ENTREP2: variants seen among roughly 807,000 people sequenced by gnomAD.
ENTREP2 encodes endosomal transmembrane epsin interactor 2, also known as protein ENTREP2.
the ENTREP2 span, among the ~76,000 whole-genome samples, chr15:29,621,975 T>C: frequency 1.3e-5 from 2 of 152,080 alleles, no homozygotes; most frequent in African/African-American, 4.8e-5. Context: ...AAAGAACAAA[T>C]ACCGCGTTAT....
chr15:29,118,231 A>G, the ENTREP2 span: 1 of 152,610 alleles, frequency 6.6e-6, no homozygotes, highest in Non-Finnish European at 1.5e-5. Context: ...GGATGACTGT[A>G]TTCGAGGAGT....
the ENTREP2 span, among the ~76,000 whole-genome samples, chr15:29,565,948 A>G: frequency 6.6e-6 from 1 of 150,792 alleles, no homozygotes; most frequent in Non-Finnish European, 1.5e-5. Flanking sequence ...GCGATAGAGC[A>G]AGGCTCTGTC....
At chr15:29,371,364 A>ACACACACACACACACACACC in the ENTREP2 span, among the ~76,000 whole-genome samples, 1 of 151,530 alleles carries the variant, frequency 6.6e-6, no homozygotes, top group African/African-American at 2.4e-5. Context: ...ACACACACAC[A>ACACACACACACACACACACC]CACACACACA....
chr15:29,651,324 G>A, the ENTREP2 span, among the ~76,000 whole-genome samples: 1 of 152,168 alleles, frequency 6.6e-6, no homozygotes, highest in Admixed American at 6.5e-5. Flanking sequence ...CTTCAACCTA[G>A]ATATTAGGTA....
chr15:29,244,875 G>A, the ENTREP2 span, among the ~76,000 whole-genome samples: 1 of 152,204 alleles, frequency 6.6e-6, no homozygotes, highest in African/African-American at 2.4e-5. Flanking sequence ...AGCATGCTTG[G>A]TGGTGGGTCA....
the ENTREP2 span, among the ~76,000 whole-genome samples, chr15:29,578,972 C>T: frequency 1.1e-3 from 166 of 152,220 alleles, 1 homozygote; most frequent in African/African-American, 3.6e-3. Context: ...TTATTAGAAA[C>T]CTATGCATTC....
chr15:29,493,740 C>G, the ENTREP2 span, among the ~76,000 whole-genome samples: 3 of 152,050 alleles, frequency 2.0e-5, no homozygotes, highest in African/African-American at 7.2e-5. Context: ...CTTTCGGAGG[C>G]TGAGGTGGGC....
chr15:29,586,963 T>G, the ENTREP2 span, among the ~76,000 whole-genome samples: 2 of 152,224 alleles, frequency 1.3e-5, no homozygotes, highest in Non-Finnish European at 2.9e-5. Flanking sequence ...ATTAAGCAAA[T>G]GAGGTATTAT....
the ENTREP2 span, among the ~76,000 whole-genome samples, chr15:29,529,376 T>G: frequency 2.6e-5 from 4 of 151,800 alleles, no homozygotes; most frequent in African/African-American, 9.7e-5. Flanking sequence ...GTGCCATTGG[T>G]GAGGCAGGTT....
chr15:29,258,526 T>C, the ENTREP2 span, among the ~76,000 whole-genome samples: 2 of 152,028 alleles, frequency 1.3e-5, no homozygotes, highest in East Asian at 1.9e-4. Flanking sequence ...AAAATATCCA[T>C]AATAAAAACG....
the ENTREP2 span, among the ~76,000 whole-genome samples, chr15:29,382,050 C>T: frequency 1.3e-5 from 2 of 152,154 alleles, no homozygotes; most frequent in South Asian, 4.1e-4. Flanking sequence ...TCACTTTGTG[C>T]ACTGCACTAG....
chr15:29,457,864 T>G, the ENTREP2 span, among the ~76,000 whole-genome samples: 2 of 152,032 alleles, frequency 1.3e-5, no homozygotes, highest in Non-Finnish European at 2.9e-5. Flanking sequence ...TGCAGGCCAG[T>G]GGGAACCTAC....
At chr15:29,345,354 G>T in the ENTREP2 span, among the ~76,000 whole-genome samples, 4 of 152,134 alleles carry the variant, frequency 2.6e-5, no homozygotes, top group African/African-American at 9.7e-5. Flanking sequence ...GCCGAGTGGG[G>T]CTAGCGGGGA....
chr15:29,381,675 AAAG>A, the ENTREP2 span: 13 of 967,322 alleles, frequency 1.3e-5, no homozygotes, highest in African/African-American at 3.3e-5. Context: ...CGCTGCCTGA[AAAG>A]AAGTTGGAAT....
At chr15:29,597,395 C>T in the ENTREP2 span, among the ~76,000 whole-genome samples, 1 of 151,742 alleles carries the variant, frequency 6.6e-6, no homozygotes, top group Non-Finnish European at 1.5e-5. Context: ...ATGGAGAAAC[C>T]CCATCTCTAC....
chr15:29,143,202 GACTA>G, the ENTREP2 span, among the ~76,000 whole-genome samples: 15 of 152,340 alleles, frequency 9.8e-5, no homozygotes, highest in South Asian at 1.0e-3. Context: ...GATAATTGCT[GACTA>G]ACTGAATGAA....
chr15:29,491,655 G>GT, the ENTREP2 span, among the ~76,000 whole-genome samples: 1 of 152,138 alleles, frequency 6.6e-6, no homozygotes, highest in African/African-American at 2.4e-5. Context: ...AGAAATCTCT[G>GT]TATTTTCCTT....
At chr15:29,385,187 C>T in the ENTREP2 span, among the ~76,000 whole-genome samples, 53 of 152,250 alleles carry the variant, frequency 3.5e-4, no homozygotes, top group African/African-American at 1.2e-3. Flanking sequence ...GTGACTAAGT[C>T]GCTTGTAGCA....
chr15:29,259,143 A>G, the ENTREP2 span, among the ~76,000 whole-genome samples: 3 of 152,208 alleles, frequency 2.0e-5, no homozygotes, highest in Non-Finnish European at 4.4e-5. Context: ...ATATAATGGA[A>G]TAGAGACTTT....
Sources: allele counts gnomAD v4.1 joint callset (sites outside exome capture counted in the v4.1 genomes callset), GRCh38; gene constraint gnomAD v4.1.1; transcripts MANE v1.5; gene names NCBI Gene and HGNC (gene_info 2026-07-23, HGNC 2026-07-21).